Variants in DLG5 observed in about 807,000 individuals in gnomAD.
DLG5 encodes discs large MAGUK scaffold protein 5.
A neutral mutation model predicts 189.8 loss-of-function variants in DLG5; 48 were observed. The ratio of observed to expected loss-of-function variants is 0.25; its 90% confidence interval spans 0.20 to 0.32. DLG5 has a LOEUF of 0.32. Ranked by LOEUF, DLG5 falls within the 10% of genes least tolerant of loss-of-function variation. DLG5 has a pLI of 1.00. For missense variants in DLG5, 2,160 were observed against 2,544.7 expected (o/e 0.85, Z 3.25); for synonymous variants, 1,016 against 1,054.1 (o/e 0.96, Z 0.70).
chr10:77,792,263 G>T lies in DLG5; in HGVS notation c.*177C>A. The T allele has an allele frequency of 1.6e-6, 1 of 642,150 alleles. No individual in the cohort carries two copies. The highest frequency in any genetic ancestry group is 2.6e-5 in the Admixed American group (1 of 38,012). 39.8% of individuals were successfully genotyped at this position (642,150 alleles called of 1,614,324 possible). ...GGGCAGAGTGTGTGGGCCTGGGCCT[G>T]GATCGCACGCAGCCGTGGCCCTCTG... is the stretch of plus-strand genomic sequence containing the variant. On this transcript the variant is annotated 3_prime_UTR_variant, in exon 32 of 32. Coordinates refer to ENST00000372391, the MANE Select transcript of DLG5 (RefSeq NM_004747.4).
intron 5 of DLG5, among the ~76,000 whole-genome samples, chr10:77,851,851 C>T (rs1240620055): frequency 6.6e-6 from 1 of 152,120 alleles, no homozygotes; most frequent in African/African-American, 2.4e-5. Context: ...CAAAGCAGAG[C>T]AAGACAAGGA....
Position 77,830,838 on chromosome 10 carries a change from C to T in DLG5, c.1784G>A (p.Arg595Gln), listed in dbSNP as rs770962810. 3.2e-5 allele frequency: 52 copies of T among 1,614,038 alleles called. No individual in the cohort carries two copies. Among genetic ancestry groups the T allele is most frequent in the South Asian group, 7.7e-5 (7 of 91,080 alleles). The change falls in exon 10 of 32, where the codon CGG becomes CAG. Residue 595 changes from arginine (R) to glutamine (Q), a missense_variant. Transcript: ENST00000372391. ...GCTGTGGGCCATCAGCTGTCGGAACCGGGCCTCCTTTTCCAACTGGGATTC... is the reference window on the plus strand; with the variant it reads ...GCTGTGGGCCATCAGCTGTCGGAACTGGGCCTCCTTTTCCAACTGGGATTC... ...QMESQLEKEA[R>Q]FRQLMAHSSH...
At chr10:77,895,042 A>G (rs1845717558) in intron 1 of DLG5, among the ~76,000 whole-genome samples, 1 of 152,220 alleles carries the variant, frequency 6.6e-6, no homozygotes, top group South Asian at 2.1e-4. Context: ...ACATGGGTTC[A>G]GGGAAGAAAA....
At chr10:77,820,867 T>A (rs1049117215) in intron 15 of DLG5, 1 of 573,164 alleles carries the variant, frequency 1.7e-6, no homozygotes, top group Non-Finnish European at 3.0e-6. Flanking sequence ...CAATAAAGTG[T>A]TCCCCTCTTG....
Position 77,841,825 on chromosome 10 carries a change from T to C in DLG5, c.1437+56A>G. 5 of 1,559,380 alleles carry C rather than the reference T, an allele frequency of 3.2e-6. No homozygotes were observed. The South Asian group carries it at 6.0e-5, about 19-fold the overall frequency. The stretch of plus-strand genomic sequence containing the variant: ...CGGACACCACGCACTCTGCAGCCCC[T>C]CTTCCCGGGATGCTGTAGGAGAGGC... On this transcript the variant is annotated intron_variant, in intron 7 of 31. Coordinates refer to ENST00000372391, the MANE Select transcript of DLG5 (RefSeq NM_004747.4).
intron 2 of DLG5, chr10:77,867,243 A>G (rs1000990122): frequency 1.6e-5 from 6 of 375,224 alleles, no homozygotes. Flanking sequence ...TGGGTTAGGC[A>G]AATACCCCTC....
At chr10:77,884,698 T>A (rs996049373) in intron 1 of DLG5, among the ~76,000 whole-genome samples, 1 of 152,204 alleles carries the variant, frequency 6.6e-6, no homozygotes, top group Non-Finnish European at 1.5e-5. Flanking sequence ...CGACTTCTTT[T>A]GAGGCCCCGA....
Position 77,821,126 on chromosome 10 carries a change from G to A in DLG5, c.3358C>T (p.Arg1120Trp), listed in dbSNP as rs143605373. 467 of 1,613,922 alleles carry A rather than the reference G, an allele frequency of 2.9e-4. 2 individuals are homozygous for A. Among genetic ancestry groups the A allele is most frequent in the Non-Finnish European group, 3.6e-4 (430 of 1,180,030 alleles). Reference protein sequence around the residue: ...RRRPKSAPSFRPKLAPVVIPA... With the variant: ...RRRPKSAPSFWPKLAPVVIPA... ...ATCACTACTGGAGCAAGCTTCGGCC[G>A]AAAACTGGGAGCAGATTTTGGCCGG... The change falls in exon 15 of 32, where the codon CGG becomes TGG. Residue 1120 changes from arginine to tryptophan, a missense_variant. Coordinates refer to ENST00000372391, the MANE Select transcript of DLG5 (RefSeq NM_004747.4).
chr10:77,858,432 T>G (rs935134542), intron 2 of DLG5, among the ~76,000 whole-genome samples: 1 of 152,090 alleles, frequency 6.6e-6, no homozygotes, highest in South Asian at 2.1e-4. Flanking sequence ...CTCAGGAGTT[T>G]GAGACCAGCC....
intron 13 of DLG5, among the ~76,000 whole-genome samples, chr10:77,827,724 A>T (rs1842708775): frequency 1.3e-5 from 2 of 152,210 alleles, no homozygotes. Flanking sequence ...ATAGGTGGAT[A>T]ATTTAAACTA....
At chr10:77,793,914 G>A (rs1166200943) in intron 31 of DLG5, 94 bp downstream of exon 31, 25 of 1,126,914 alleles carry the variant, frequency 2.2e-5, no homozygotes, top group Non-Finnish European at 3.1e-5. Flanking sequence ...CATGTAGAAA[G>A]TGCGGGCTTC....
intron 27 of DLG5, among the ~76,000 whole-genome samples, chr10:77,802,725 C>A (rs1007642987): frequency 6.6e-6 from 1 of 152,114 alleles, no homozygotes; most frequent in Non-Finnish European, 1.5e-5. Flanking sequence ...CATGGTGAAA[C>A]CCCGTCTTTA....
At chr10:77,929,811 A>C (rs1846769922), upstream of DLG5, 1 of 152,216 alleles carries the variant, frequency 6.6e-6, no homozygotes, top group African/African-American at 2.4e-5. Context: ...GAGCCAATAA[A>C]ACAACTGCAG....
rs771558348 is a variant in DLG5, at chr10:77,796,086, G to A, written c.5411C>T (p.Ala1804Val). 5.0e-6 allele frequency: 8 copies of A among 1,614,038 alleles called. No individual in the cohort carries two copies. The highest frequency in any genetic ancestry group is 2.7e-5 in the African/African-American group (2 of 74,916). The change falls in exon 29 of 32, where the codon GCG (alanine) becomes GTG (valine). Residue 1804 changes from alanine (A) to valine (V), a missense_variant. By Grantham distance (64) the Ala-to-Val change is moderately conservative. Around this residue, in one of 5 missense-constraint regions of DLG5, gnomAD observed 574 missense variants for 644.2 expected, o/e 0.89. Coordinates refer to ENST00000372391, the MANE Select transcript of DLG5 (RefSeq NM_004747.4). The surrounding 1 kb of genome is among the most constrained non-coding windows in gnomAD (Gnocchi z 5.2). ...CTTTTCTGTGATCTCCTTTATTGAC[G>A]CCACAGTGGTCACATCGAAATGGCC... is the stretch of plus-strand genomic sequence containing the variant. ...RSGHFDVTTV[A>V]SIKEITEKNR... is the part of the protein sequence containing the mutation.
rs1399435418 is a variant in DLG5 at position 77,856,845 on chromosome 10, G to T, written c.421C>A (p.Gln141Lys). 6.2e-7 allele frequency: 1 copy of T among 1,612,860 alleles called. No homozygotes were observed. Among genetic ancestry groups the T allele is most frequent in the Middle Eastern group, 1.9e-4 (1 of 5,252 alleles). The change falls in exon 3 of 32, where the codon CAA becomes AAA. Residue 141 changes from glutamine to lysine, a missense_variant. Physicochemically the swap from Gln to Lys is moderately conservative, Grantham distance 53. Transcript: ENST00000372391. ...PSPPPLLTDQ[Q>K]VNEKVENLSI... ...AGGTTCTCCACCTTCTCATTCACTT[G>T]CTGGTCAGTGAGGAGGGGTGGTGGG...
intron 1 of DLG5, among the ~76,000 whole-genome samples, chr10:77,872,759 C>T (rs549286330): frequency 2.0e-5 from 3 of 152,102 alleles, no homozygotes; most frequent in South Asian, 2.1e-4. Flanking sequence ...TTCCATGGGG[C>T]GGAGGGGCAG....
chr10:77,906,565 C>T (rs2131821216), intron 1 of DLG5, among the ~76,000 whole-genome samples: 1 of 152,182 alleles, frequency 6.6e-6, no homozygotes, highest in East Asian at 1.9e-4. Flanking sequence ...GGCTGAGGCT[C>T]CTCCCAAGGA....
chr10:77,911,793 CAGCCCCCACGGCAGGCTGCATGTT>C (rs931428918), intron 1 of DLG5, among the ~76,000 whole-genome samples: 11 of 152,194 alleles, frequency 7.2e-5, no homozygotes, highest in Admixed American at 3.3e-4. Context: ...GGCAGCCCTG[CAGCCCCCACGGCAGGCTGCATGTT>C]AGCAGGAGCT....
chr10:77,879,321 G>A (rs1279224590), intron 1 of DLG5, among the ~76,000 whole-genome samples: 1 of 152,128 alleles, frequency 6.6e-6, no homozygotes, highest in Non-Finnish European at 1.5e-5. Context: ...CCTGGAGGAG[G>A]ATGCAGATGA....
Sources: allele counts gnomAD v4.1 joint callset (sites outside exome capture counted in the v4.1 genomes callset), GRCh38; gene constraint gnomAD v4.1.1; regional missense constraint gnomAD v4.1.1; non-coding constraint Gnocchi (gnomAD v3.1); transcripts MANE v1.5; gene names NCBI Gene and HGNC (gene_info 2026-07-23, HGNC 2026-07-21).